Variants in INTS1 observed in about 807,000 individuals in gnomAD.
INTS1 encodes the protein integrator complex subunit 1.
A neutral mutation model predicts 241.6 loss-of-function variants in INTS1; 137 were observed. The ratio of observed to expected loss-of-function variants is 0.57; its 90% CI spans 0.49 to 0.65. The LOEUF (loss-of-function observed/expected upper bound fraction) is 0.65. Among genes scored for constraint, INTS1 ranks in the 30% least tolerant of loss-of-function variants. The probability of loss-of-function intolerance (pLI) is 0.00; values close to 1 mark genes in which losing one functional copy is unlikely to be tolerated. For missense variants in INTS1, 3,073 were observed against 3,032.2 expected (o/e 1.01, Z -0.32); for synonymous variants, 1,692 against 1,337.8 (o/e 1.26, Z -5.78).
Position 1,481,477 on chromosome 7 carries a change from G to A in INTS1, c.3715C>T (p.Leu1239=), listed in dbSNP as rs1188314928. Residue 1239 remains leucine (L), a synonymous_variant, in exon 28 of 48, where the codon CTG becomes TTG. Coordinates refer to ENST00000404767, the MANE Select transcript of INTS1 (RefSeq NM_001080453.3). This position sits in a 1 kb window ranked among gnomAD's most constrained non-coding sequence, Gnocchi z 6.8. ...LRLVDAALQD[L]EPQQLLLFVQ... is the part of the protein sequence containing the mutation. Reference sequence around the variant, plus strand: ...AACAGCAGCAGCTGCTGCGGCTCCAGGTCCTGCAGGGCTGAGGGTGCACGC... The same window carrying A: ...AACAGCAGCAGCTGCTGCGGCTCCAAGTCCTGCAGGGCTGAGGGTGCACGC... The A allele has an allele frequency of 1.2e-6, 2 of 1,609,532 alleles. No individual in the cohort carries two copies. The highest frequency in any genetic ancestry group is 1.7e-6 in the Non-Finnish European group (2 of 1,178,220).
At position 1,485,141 on chromosome 7, in the gene INTS1, T is replaced by C; in HGVS notation, c.3218A>G (p.His1073Arg). ...CTGGGCCTGCTCCTCCACAGGCGTG[T>C]GCTGGGACAAGTAGATCAGGTAGGC... is the stretch of plus-strand genomic sequence containing the variant. ...ISAYLIYLSQ[H>R]TPVEEQAQHS... The change falls in exon 24 of 48, where the codon CAC (histidine) becomes CGC (arginine). Residue 1073 changes from histidine (H) to arginine (R), a missense_variant. His to Arg is a conservative substitution (Grantham distance 29, BLOSUM62 0). Transcript: ENST00000404767. 1 of 1,601,132 alleles carries C rather than the reference T, an allele frequency of 6.2e-7. No homozygotes were observed.
At chr7:1,478,532 T>C in intron 32 of INTS1, 26 bp from the exon 33 acceptor site, 1 of 1,602,730 alleles carries the variant, frequency 6.2e-7, no homozygotes, top group South Asian at 1.1e-5. Flanking sequence ...GTGAGTGCCC[T>C]GTGGCTCCAG....
rs768241069 is a variant in INTS1, at chr7:1,474,345, G to A, written c.5652C>T (p.Ile1884=). ...GGGTGCGGCCGTGCAGGAGCGCCGCGATCATGGGCAGGTGCCTGCGGGCGC... is the reference window on the plus strand; with the variant it reads ...GGGTGCGGCCGTGCAGGAGCGCCGCAATCATGGGCAGGTGCCTGCGGGCGC... ...PLLLLRHLPM[I]AALLHGRTHL... The change falls in exon 41 of 48, where the codon ATC becomes ATT. Residue 1884 remains isoleucine (I), a synonymous_variant. Transcript: ENST00000404767. 19 of 1,599,256 alleles carry A rather than the reference G, an allele frequency of 1.2e-5. No homozygotes were observed. The East Asian group carries it at 3.2e-4, about 27-fold the overall frequency.
rs531230950 is a variant in INTS1, at chr7:1,500,260, G to C, written c.456C>G (p.Thr152=). 5.6e-6 allele frequency: 9 copies of C among 1,603,736 alleles called. No individual in the cohort carries two copies. The African/African-American group carries it at 8.0e-5, about 14-fold the overall frequency. ...LCGAVKQLKV[T]RAKPDSTLYL... ...AGAGGGTGCTGTCAGGCTTGGCGCG[G>C]GTGACCTTCAGCTGCTTCACGGCCC... Residue 152 remains threonine, a synonymous_variant, in exon 4 of 48, where the codon ACC becomes ACG. Transcript: ENST00000404767.
chr7:1,471,002 G>A (rs1043410770), intron 46 of INTS1, 47 bp from the exon 47 acceptor site: 10 of 1,520,128 alleles, frequency 6.6e-6, no homozygotes, highest in Middle Eastern at 1.7e-4. Context: ...CTGTGCCCAC[G>A]CCAGACCCCC....
chr7:1,495,647 G>T, intron 12 of INTS1, 94 bp from the exon 13 acceptor site: 8 of 1,491,858 alleles, frequency 5.4e-6, no homozygotes, highest in Admixed American at 2.1e-5. Context: ...TGGCACTTGG[G>T]AGGGGGTAAC....
chr7:1,476,636 C>T lies in INTS1; in HGVS notation c.5085G>A (p.Leu1695=). The change falls in exon 37 of 48, where the codon CTG becomes CTA. Residue 1695 remains leucine (L), a synonymous_variant. Transcript: ENST00000404767. ...CATGGATGCAGGCCCAGAGGAAGTC[C>T]AGAGAGGCAGAGGGGTCGAACCTGT... is the stretch of plus-strand genomic sequence containing the variant. The part of the protein sequence containing the change: ...REQRFDPSAS[L]DFLWACIHVP... 6.2e-7 allele frequency: 1 copy of T among 1,612,670 alleles called. No individual in the cohort carries two copies. Among genetic ancestry groups the T allele is most frequent in the Non-Finnish European group, 8.5e-7 (1 of 1,179,876 alleles).
chr7:1,472,202 C>T (rs1411006825), intron 44 of INTS1, 71 bp downstream of exon 44: 1 of 1,181,124 alleles, frequency 8.5e-7, no homozygotes, highest in Admixed American at 2.0e-5. Context: ...CAAATGGCTA[C>T]TGGCTGCTGC....
chr7:1,477,582 G>T lies in INTS1; in HGVS notation c.4906C>A (p.Leu1636Met). Residue 1636 changes from leucine to methionine, a missense_variant, in exon 35 of 48, where the codon CTG becomes ATG. By Grantham distance (15) the Leu-to-Met change is conservative. Coordinates refer to ENST00000404767, the MANE Select transcript of INTS1 (RefSeq NM_001080453.3). ...DPEVVSSCPD[L>M]QLRLLFSRRK... ...CGGGAGAAGAGCAGCCTGAGCTGCAGGTCGGGGCAGCTGCTGACCACCTCG... is the reference window on the plus strand; with the variant it reads ...CGGGAGAAGAGCAGCCTGAGCTGCATGTCGGGGCAGCTGCTGACCACCTCG... 1 of 1,553,498 alleles carries T rather than the reference G, an allele frequency of 6.4e-7. No homozygotes were observed. Among genetic ancestry groups the T allele is most frequent in the Non-Finnish European group, 8.7e-7 (1 of 1,150,944 alleles).
intron 5 of INTS1, 75 bp from the exon 6 acceptor site, chr7:1,499,707 C>T (rs1047620332): frequency 3.0e-5 from 46 of 1,510,590 alleles, no homozygotes; most frequent in Middle Eastern, 3.7e-4. Context: ...GCCTGCTGCC[C>T]GGGGACTGGG....
chr7:1,470,973 T>C lies in INTS1; in HGVS notation c.6348-18A>G, dbSNP rs1325900436. 1.3e-6 allele frequency: 2 copies of C among 1,544,262 alleles called. No individual in the cohort carries two copies. Among genetic ancestry groups the C allele is most frequent in the East Asian group, 4.9e-5 (2 of 40,916 alleles). On this transcript the variant is annotated intron_variant, in intron 46 of 47. Coordinates refer to ENST00000404767, the MANE Select transcript of INTS1 (RefSeq NM_001080453.3). ...CTGCAATGCTGAAAGACCCACACACTTCAGTGGGAACCTCCACCCTGTGCC... is the reference window on the plus strand; with the variant it reads ...CTGCAATGCTGAAAGACCCACACACCTCAGTGGGAACCTCCACCCTGTGCC...
Position 1,477,894 on chromosome 7 carries a change from T to A in INTS1, c.4673A>T (p.Glu1558Val), listed in dbSNP as rs1781798401. ...LIEVRSPHLEELLTAFFSATA... is the reference protein window; with the variant it reads ...LIEVRSPHLEVLLTAFFSATA... The stretch of plus-strand genomic sequence containing the variant: ...GGCAGAGAAGAATGCAGTCAGCAGC[T>A]CCTCCAGGTGGGGGGACCTCACCTC... The change falls in exon 34 of 48, where the codon GAG (glutamate) becomes GTG (valine). Residue 1558 changes from glutamate to valine, a missense_variant. Glu to Val is a moderately radical substitution (Grantham distance 121). Transcript: ENST00000404767. The A allele has an allele frequency of 6.2e-7, 1 of 1,612,350 alleles. No homozygotes were observed. Among genetic ancestry groups the A allele is most frequent in the Non-Finnish European group, 8.5e-7 (1 of 1,179,810 alleles).
intron 3 of INTS1, among the ~76,000 whole-genome samples, chr7:1,502,572 C>T (rs368254396): frequency 3.9e-5 from 6 of 152,330 alleles, no homozygotes; most frequent in African/African-American, 1.2e-4. Context: ...AGAACAGACA[C>T]CTGGGGTGTC....
chr7:1,480,236 C>T lies in INTS1; in HGVS notation c.4074+81G>A. On this transcript the variant is annotated intron_variant, in intron 30 of 47. Transcript: ENST00000404767. ...CAGGCGGTCACGCAAGTAAAGGCCGCTGTGCGTGCGAGGCGGCAGCGAAGG... is the reference window on the plus strand; with the variant it reads ...CAGGCGGTCACGCAAGTAAAGGCCGTTGTGCGTGCGAGGCGGCAGCGAAGG... The T allele has an allele frequency of 2.7e-6, 4 of 1,474,526 alleles. No individual in the cohort carries two copies. The South Asian group carries it at 4.0e-5, about 15-fold the overall frequency. The allele number at this position is 1,474,526 out of a possible 1,614,324, so 91.3% of individuals were successfully genotyped here. A position where few individuals can be genotyped will look rare whatever the true frequency, so the allele number is the denominator to read the frequency against.
At position 1,479,586 on chromosome 7, in the gene INTS1, G is replaced by A. The variant is rs376127000; in HGVS notation, c.4173C>T (p.Val1391=). ...QQALGQELAR[V]VQGSPEVPGI... ...CCGGCACCTCGGGGCTGCCCTGGACGACGCGGGCCAGCTCCTGGCCCAGGG... is the reference window on the plus strand; with the variant it reads ...CCGGCACCTCGGGGCTGCCCTGGACAACGCGGGCCAGCTCCTGGCCCAGGG... The change falls in exon 31 of 48, where the codon GTC becomes GTT. Residue 1391 remains valine, a synonymous_variant. Coordinates refer to ENST00000404767, the MANE Select transcript of INTS1 (RefSeq NM_001080453.3). 6,444 of 1,540,916 alleles carry A rather than the reference G, an allele frequency of 4.2e-3. 21 individuals carry two copies. The highest frequency in any genetic ancestry group is 5.1e-3 in the Non-Finnish European group (5,811 of 1,143,334).
In INTS1 at chr7:1,480,838, G is replaced by A. The variant is rs1422834231; in HGVS notation, c.3946C>T (p.Arg1316Ter). ...TGGCCCCACCCCTCCCCAGTACCTCGGCGGGGCGGCAGGGAGGCTGTGAGC... is the reference window on the plus strand; with the variant it reads ...TGGCCCCACCCCTCCCCAGTACCTCAGCGGGGCGGCAGGGAGGCTGTGAGC... ...SLLTASLPPR[R>*]DSTEAPKPKS... Residue 1316 changes from arginine to a stop codon, truncating the protein, a stop_gained, in exon 29 of 48, where the codon CGA (arginine) becomes TGA (stop). Transcript: ENST00000404767. LOFTEE classifies it high-confidence loss of function. 10 of 1,550,962 alleles carry A rather than the reference G, an allele frequency of 6.4e-6. No individual in the cohort carries two copies. Among genetic ancestry groups the A allele is most frequent in the African/African-American group, 2.7e-5 (2 of 73,226 alleles).
At position 1,478,274 on chromosome 7, in the gene INTS1, C is replaced by A. The variant is rs2128534632; in HGVS notation, c.4630+92G>T. 13 of 1,409,928 alleles carry A rather than the reference C, an allele frequency of 9.2e-6. No homozygotes were observed. The South Asian group carries it at 1.4e-4, about 15-fold the overall frequency. The allele number at this position is 1,409,928 out of a possible 1,614,324, so 87.3% of individuals were successfully genotyped here. On this transcript the variant is annotated intron_variant, in intron 33 of 47. Transcript: ENST00000404767. ...TTCCGGGGACAGTGCTGAGCAGACA[C>A]TGTCCGTCCCCCACTGGGCAGCTAG...
At chr7:1,480,983 C>A in intron 28 of INTS1, 50 bp from the exon 29 acceptor site, 1 of 1,364,282 alleles carries the variant, frequency 7.3e-7, no homozygotes, top group South Asian at 1.2e-5. Context: ...GGCCAGGGAG[C>A]AGGTCCTTCC....
intron 5 of INTS1, 112 bp downstream of exon 5, chr7:1,499,772 C>G (rs1436375929): frequency 6.8e-7 from 1 of 1,466,958 alleles, no homozygotes; most frequent in South Asian, 1.3e-5. Flanking sequence ...GCCATCACCA[C>G]CAGGGCTGTC....
Sources: gnomAD v4.1 joint callset for allele counts (sites outside exome capture counted in the v4.1 genomes callset) on GRCh38, gnomAD v4.1.1 for gene constraint, Gnocchi (gnomAD v3.1) non-coding constraint, MANE v1.5 for transcripts, NCBI Gene and HGNC (gene_info 2026-07-23, HGNC 2026-07-21) for gene names.